Variants in SLC2A2 observed in about 807,000 individuals in gnomAD.
SLC2A2 encodes the protein solute carrier family 2, facilitated glucose transporter member 2.
A neutral mutation model predicts 54.5 loss-of-function variants in SLC2A2; 36 were observed. That is an observed-to-expected ratio of 0.66 (90% confidence interval 0.51 to 0.87). The LOEUF (loss-of-function observed/expected upper bound fraction) is 0.87. Ranked by LOEUF, SLC2A2 falls within the 40% of genes least tolerant of loss-of-function variation. The pLI is 0.00. For synonymous variants in SLC2A2, 223 were observed against 219.1 expected (o/e 1.02, Z -0.16); for missense variants, 543 against 624.3 (o/e 0.87, Z 1.39).
At chr3:171,002,136 A>T (rs1360717422) in intron 8 of SLC2A2, among the ~76,000 whole-genome samples, 1 of 151,846 alleles carries the variant, frequency 6.6e-6, no homozygotes, top group Non-Finnish European at 1.5e-5. Flanking sequence ...TTATTTTTAT[A>T]TGTTTCCCCC....
At chr3:171,003,820 C>T (rs1434112192) in intron 7 of SLC2A2, among the ~76,000 whole-genome samples, 1 of 151,950 alleles carries the variant, frequency 6.6e-6, no homozygotes, top group African/African-American at 2.4e-5. Flanking sequence ...ATGTGCTCAA[C>T]TTTGATAGAT....
chr3:171,011,602 G>A lies in SLC2A2; in HGVS notation c.372-1520C>T, dbSNP rs570844880. Among the ~76,000 whole-genome samples the A allele has an allele frequency of 3.9e-5, 6 of 152,196 alleles. No homozygotes were observed. The East Asian group carries it at 7.7e-4, about 20-fold the overall frequency. On this transcript the variant is annotated intron_variant, in intron 3 of 10. Transcript: ENST00000314251. ...GTGTTGTTTTAAGCCACTAAATTGG[G>A]GATAATTCATTACAGCAGCAATGTG... is the stretch of plus-strand genomic sequence containing the variant.
Position 171,006,046 on chromosome 3 carries a change from C to T in SLC2A2, c.672G>A (p.Leu224=). The T allele has an allele frequency of 6.2e-7, 1 of 1,612,628 alleles. No individual in the cohort carries two copies. ...ACTGAAGGATGGCTCGCACACCAGA[C>T]AGGCCAAGCAGGATGTGCCACAGAT... The part of the protein sequence containing the change: ...NYDLWHILLG[L]SGVRAILQSL... The change falls in exon 6 of 11, where the codon CTG becomes CTA. Residue 224 remains leucine (L), a synonymous_variant. Transcript: ENST00000314251.
intron 2 of SLC2A2, among the ~76,000 whole-genome samples, chr3:171,017,308 AAG>A (rs1348485807): frequency 1.3e-5 from 2 of 152,158 alleles, no homozygotes; most frequent in African/African-American, 4.8e-5. Context: ...CCACACAAAA[AAG>A]ATATGACCCT....
At chr3:171,021,715 A>G (rs1336377400) in intron 1 of SLC2A2, among the ~76,000 whole-genome samples, 2 of 152,166 alleles carry the variant, frequency 1.3e-5, no homozygotes. Flanking sequence ...AGGCTGTTGG[A>G]GAAAATTTGG....
At chr3:171,002,784 G>A (rs891529896) in intron 7 of SLC2A2, 104 bp from the exon 8 acceptor site, 23 of 726,558 alleles carry the variant, frequency 3.2e-5, no homozygotes, top group Non-Finnish European at 4.9e-5. Context: ...TTTCTATAGC[G>A]GCATGCACCC....
In SLC2A2 at chr3:171,018,596, TGAC is replaced by T; in HGVS notation, c.40_42del (p.Val14del). On this transcript the variant is annotated inframe_deletion, in exon 2 of 11. Coordinates refer to ENST00000314251, the MANE Select transcript of SLC2A2 (RefSeq NM_000340.2). ...TGGAAGGAACCCAGCACAGCAGTGATGACAGTGAAAACCAGGGTCCCAGTGACC... is the reference window on the plus strand; with the variant it reads ...TGGAAGGAACCCAGCACAGCAGTGATAGTGAAAACCAGGGTCCCAGTGACC... The T allele has an allele frequency of 3.1e-6, 5 of 1,614,032 alleles. No homozygotes were observed. The highest frequency in any genetic ancestry group is 4.2e-6 in the Non-Finnish European group (5 of 1,179,892).
chr3:171,005,363 G>A lies in SLC2A2; in HGVS notation c.885C>T (p.Phe295=). The change falls in exon 7 of 11, where the codon TTC becomes TTT. Residue 295 remains phenylalanine (F), a synonymous_variant. Coordinates refer to ENST00000314251, the MANE Select transcript of SLC2A2 (RefSeq NM_000340.2). ...SEQKVSIIQL[F]TNSSYRQPIL... is the part of the protein sequence containing the mutation. ...TAGGCTGTCGGTAGCTGGAATTGGT[G>A]AAGAGCTGAATTATAGAGACTTTCT... 1 of 1,612,896 alleles carries A rather than the reference G, an allele frequency of 6.2e-7. No individual in the cohort carries two copies. Among genetic ancestry groups the A allele is most frequent in the South Asian group, 1.1e-5 (1 of 91,056 alleles).
At chr3:171,013,149 C>T (rs1477374240) in intron 3 of SLC2A2, among the ~76,000 whole-genome samples, 1 of 152,046 alleles carries the variant, frequency 6.6e-6, no homozygotes, top group African/African-American at 2.4e-5. Context: ...ATTTGATTTA[C>T]TTAAAAATTT....
At chr3:171,002,532 G>A (rs1715387165) in intron 8 of SLC2A2, 44 bp downstream of exon 8, 1 of 1,263,430 alleles carries the variant, frequency 7.9e-7, no homozygotes, top group Non-Finnish European at 1.2e-6. Flanking sequence ...TGCAATTTCT[G>A]GACTAAGGAA....
intron 3 of SLC2A2, among the ~76,000 whole-genome samples, chr3:171,012,950 T>C (rs973755211): frequency 5.3e-5 from 8 of 152,294 alleles, no homozygotes; most frequent in East Asian, 1.9e-4. Context: ...ATTGGCTCCA[T>C]TAAATGTTAA....
intron 6 of SLC2A2, 35 bp downstream of exon 6, chr3:171,005,908 C>T: frequency 1.3e-6 from 2 of 1,599,522 alleles, no homozygotes; most frequent in Non-Finnish European, 1.7e-6. Context: ...AATGCCAAAA[C>T]AATAGGAAGA....
chr3:171,009,056 T>TAGAG (rs1271693869), intron 4 of SLC2A2, among the ~76,000 whole-genome samples: 1 of 152,072 alleles, frequency 6.6e-6, no homozygotes, highest in Non-Finnish European at 1.5e-5. Flanking sequence ...TCCCCATGGA[T>TAGAG]AGAGGTGCCT....
chr3:171,005,561 A>G (rs544901442), intron 6 of SLC2A2, 89 bp from the exon 7 acceptor site: 1 of 1,046,238 alleles, frequency 9.6e-7, no homozygotes, highest in African/African-American at 1.6e-5. Context: ...ACATTTCTGC[A>G]TGCCCCATTG....
intron 1 of SLC2A2, among the ~76,000 whole-genome samples, chr3:171,025,673 T>C (rs562044886): frequency 6.6e-6 from 1 of 152,268 alleles, no homozygotes; most frequent in Admixed American, 6.5e-5. Flanking sequence ...CAGCTAACCA[T>C]GCCATCTAAT....
intron 1 of SLC2A2, among the ~76,000 whole-genome samples, chr3:171,026,261 C>T (rs1001146839): frequency 3.3e-5 from 5 of 151,914 alleles, no homozygotes; most frequent in Non-Finnish European, 7.4e-5. Flanking sequence ...TGTCTTAATC[C>T]CTTTTAATCT....
intron 1 of SLC2A2, among the ~76,000 whole-genome samples, chr3:171,019,501 C>T (rs1222837354): frequency 6.6e-6 from 1 of 151,970 alleles, no homozygotes; most frequent in Non-Finnish European, 1.5e-5. Flanking sequence ...AACATTCATC[C>T]CCTTGAACTC....
intron 2 of SLC2A2, among the ~76,000 whole-genome samples, chr3:171,017,963 G>T (rs1464760516): frequency 6.6e-6 from 1 of 152,134 alleles, no homozygotes; most frequent in Non-Finnish European, 1.5e-5. Context: ...TTTACTTTGG[G>T]TCACCTATGG....
intron 7 of SLC2A2, among the ~76,000 whole-genome samples, chr3:171,004,626 C>T (rs1307516475): frequency 1.3e-5 from 2 of 151,082 alleles, no homozygotes; most frequent in Non-Finnish European, 3.0e-5. Context: ...TTAACAAATG[C>T]TTAATTTTTT....
Sources: gnomAD v4.1 joint callset for allele counts (sites outside exome capture counted in the v4.1 genomes callset) on GRCh38, gnomAD v4.1.1 for gene constraint, MANE v1.5 for transcripts, NCBI Gene and HGNC (gene_info 2026-07-23, HGNC 2026-07-21) for gene names.